Variants in STAT4 observed in about 807,000 individuals in gnomAD.
STAT4 encodes signal transducer and activator of transcription 4.
In STAT4, 42 loss-of-function variants were observed where a neutral mutation model predicts 110.5. The observed-to-expected ratio is 0.38, with a 90% CI of 0.30 to 0.49. The LOEUF is 0.49. Among genes scored for constraint, STAT4 ranks in the 20% least tolerant of loss-of-function variants. The pLI is 0.95. For synonymous variants in STAT4, 284 were observed against 302.2 expected, an observed-to-expected ratio of 0.94 and a Z score of 0.63; for missense variants, 632 against 887.9, an observed-to-expected ratio of 0.71 and a Z score of 3.66.
intron 3 of STAT4, among the ~76,000 whole-genome samples, chr2:191,123,745 T>C (rs1213521000): frequency 6.6e-6 from 1 of 152,232 alleles, no homozygotes; most frequent in Non-Finnish European, 1.5e-5. Flanking sequence ...AGAATATTGG[T>C]TGTTCATCCT....
At chr2:191,079,998 T>G (rs1416912337) in intron 3 of STAT4, among the ~76,000 whole-genome samples, 5 of 152,280 alleles carry the variant, frequency 3.3e-5, no homozygotes, top group African/African-American at 1.2e-4. Context: ...GATTTTTCTT[T>G]GCCTGATAGA....
At chr2:191,103,207 G>A (rs1045239607) in intron 3 of STAT4, among the ~76,000 whole-genome samples, 4 of 152,140 alleles carry the variant, frequency 2.6e-5, no homozygotes, top group African/African-American at 9.7e-5. Flanking sequence ...ATGTTTGCCA[G>A]TCTCTTGTTA....
rs748501058 is a variant in STAT4 at position 191,069,706 on chromosome 2, T to C, written c.531A>G (p.Thr177=). ...LQDEFDYRYK[T]IQTMDQSDKN... ...ACAAAAACTTACCCATTGTCTGAAT[T>C]GTTTTATACCTGTAGTCAAATTCGT... The change falls in exon 6 of 24, where the codon ACA becomes ACG. Residue 177 remains threonine, a synonymous_variant. Transcript: ENST00000392320. 3 of 1,608,202 alleles carry C rather than the reference T, an allele frequency of 1.9e-6. No individual in the cohort carries two copies. The South Asian group carries it at 3.3e-5, about 18-fold the overall frequency.
chr2:191,034,207 G>A (rs1559036748), intron 18 of STAT4, among the ~76,000 whole-genome samples: 6 of 152,106 alleles, frequency 3.9e-5, no homozygotes, highest in Admixed American at 1.3e-4. Flanking sequence ...CAGATTATGA[G>A]GTCAGGAGAT....
rs1698460259 is a variant in STAT4 at position 191,112,829 on chromosome 2, C to T, written c.273+33784G>A. ...TTGGACAAACTACAGAAGGAAAATTCAGGATAATTTCTTGAAAGCAATAAT... is the reference window on the plus strand; with the variant it reads ...TTGGACAAACTACAGAAGGAAAATTTAGGATAATTTCTTGAAAGCAATAAT... On this transcript the variant is annotated intron_variant, in intron 3 of 23. Coordinates refer to ENST00000392320, the MANE Select transcript of STAT4 (RefSeq NM_003151.4). This position sits in a 1 kb window ranked among gnomAD's most constrained non-coding sequence, Gnocchi z 4.3. 6.6e-6 allele frequency among the ~76,000 whole-genome samples: 1 copy of T among 152,196 alleles called. No homozygotes were observed. The highest frequency in any genetic ancestry group is 2.1e-4 in the South Asian group (1 of 4,828).
intron 3 of STAT4, among the ~76,000 whole-genome samples, chr2:191,109,809 A>G (rs1698377510): frequency 1.3e-5 from 2 of 152,184 alleles, no homozygotes; most frequent in African/African-American, 4.8e-5. Flanking sequence ...TTAACTCAAC[A>G]TGGTCAATTT....
rs1167513285 is a variant in STAT4 at position 191,099,290 on chromosome 2, A to T, written c.274-22965T>A. 6.6e-6 allele frequency among the ~76,000 whole-genome samples: 1 copy of T among 152,166 alleles called. No individual in the cohort carries two copies. Among genetic ancestry groups the T allele is most frequent in the Non-Finnish European group, 1.5e-5 (1 of 68,008 alleles). On this transcript the variant is annotated intron_variant, in intron 3 of 23. Transcript: ENST00000392320. The surrounding 1 kb of genome is among the most constrained non-coding windows in gnomAD (Gnocchi z 4.1). ...GGAACTGTGAATTTTACAACCTATTAGGAAAGAAATCTCAAAATATCAGAA... is the reference window on the plus strand; with the variant it reads ...GGAACTGTGAATTTTACAACCTATTTGGAAAGAAATCTCAAAATATCAGAA...
At chr2:191,069,355 A>G (rs556352223) in intron 6 of STAT4, among the ~76,000 whole-genome samples, 8 of 152,136 alleles carry the variant, frequency 5.3e-5, no homozygotes, top group Admixed American at 3.9e-4. Context: ...TGTTTCTGTG[A>G]TAATTATATT....
At chr2:191,076,111 C>T (rs1430984521) in intron 4 of STAT4, 116 bp downstream of exon 4, 3 of 810,962 alleles carry the variant, frequency 3.7e-6, no homozygotes, top group East Asian at 5.1e-5. Flanking sequence ...ACCTTTGCCT[C>T]CCAAAGTGTT....
At chr2:191,075,837 CTTTTT>C (rs71407854) in intron 4 of STAT4, among the ~76,000 whole-genome samples, 41 of 121,476 alleles carry the variant, frequency 3.4e-4, no homozygotes, top group African/African-American at 1.2e-3. Flanking sequence ...TTCTTTCTTT[CTTTTT>C]TTTTTTTTTT....
At chr2:191,075,997 G>T (rs1388928558) in intron 4 of STAT4, 2 of 459,560 alleles carry the variant, frequency 4.4e-6, no homozygotes, top group South Asian at 2.7e-5. Flanking sequence ...CTATAGGCAT[G>T]TGCCACCATA....
rs1386020431 is a variant in STAT4, at chr2:191,059,965, A to C, written c.1035-1196T>G. Reference sequence around the variant, plus strand: ...ATGCTGACAAGTGCCATGGAGTCCAAGGTCATTCTTCCTTTTGAAACAGGA... The same window carrying C: ...ATGCTGACAAGTGCCATGGAGTCCACGGTCATTCTTCCTTTTGAAACAGGA... On this transcript the variant is annotated intron_variant, in intron 10 of 23. Transcript: ENST00000392320. This position sits in a 1 kb window ranked among gnomAD's most constrained non-coding sequence, Gnocchi z 4.7. 6.6e-6 allele frequency among the ~76,000 whole-genome samples: 1 copy of C among 152,212 alleles called. No individual in the cohort carries two copies. Among genetic ancestry groups the C allele is most frequent in the Non-Finnish European group, 1.5e-5 (1 of 68,032 alleles).
Position 191,036,252 on chromosome 2 carries a change from TA to T in STAT4, c.1481del (p.Leu494HisfsTer4). The T allele has an allele frequency of 6.2e-7, 1 of 1,614,112 alleles. No individual in the cohort carries two copies. Among genetic ancestry groups the T allele is most frequent in the South Asian group, 1.1e-5 (1 of 91,082 alleles). On this transcript the variant is annotated frameshift_variant, in exon 17 of 24. Transcript: ENST00000392320. LOFTEE classifies it high-confidence loss of function. ...AAAACTGCCAGCTCATCACCTCCAGTAGTTGACTCAATGTGGCAGGTGGAGG... is the reference window on the plus strand; with the variant it reads ...AAAACTGCCAGCTCATCACCTCCAGTGTTGACTCAATGTGGCAGGTGGAGG... ...NNPPPATLSQ[L>X]LEVMSWQFSS...
intron 3 of STAT4, among the ~76,000 whole-genome samples, chr2:191,136,024 C>CAAAAAAAAAAAAAA (rs1699173501): frequency 1.8e-4 from 8 of 43,780 alleles, no homozygotes; most frequent in African/African-American, 3.2e-4. Flanking sequence ...AAAAAAAAAC[C>CAAAAAAAAAAAAAA]AAAAAACAAA....
rs1020995592 is a variant in STAT4, at chr2:191,083,175, G to T, written c.274-6850C>A. On this transcript the variant is annotated intron_variant, in intron 3 of 23. Coordinates refer to ENST00000392320, the MANE Select transcript of STAT4 (RefSeq NM_003151.4). The surrounding 1 kb of genome is among the most constrained non-coding windows in gnomAD (Gnocchi z 4.6). ...TGAGACAAGGATTCCAGTGCAAGTC[G>T]TTTAAGTGGGAGTTGGTCCCACAAA... Among the ~76,000 whole-genome samples, 13 of 152,180 alleles carry T rather than the reference G, an allele frequency of 8.5e-5. No homozygotes were observed. The highest frequency in any genetic ancestry group is 1.6e-4 in the Non-Finnish European group (11 of 68,032).
In STAT4 at chr2:191,066,404, A is replaced by G. The variant is rs1056408890; in HGVS notation, c.630+26T>C. ...AGAAAAAAGGAGAAAAATAGGCAAA[A>G]GCCCAAATTAAAATTCTTCACTAAC... On this transcript the variant is annotated intron_variant, in intron 7 of 23. Coordinates refer to ENST00000392320, the MANE Select transcript of STAT4 (RefSeq NM_003151.4). This position sits in a 1 kb window ranked among gnomAD's most constrained non-coding sequence, Gnocchi z 4.3. 1 of 1,597,526 alleles carries G rather than the reference A, an allele frequency of 6.3e-7. No individual in the cohort carries two copies. The highest frequency in any genetic ancestry group is 8.6e-7 in the Non-Finnish European group (1 of 1,165,790).
intron 3 of STAT4, among the ~76,000 whole-genome samples, chr2:191,088,264 A>G (rs764290335): frequency 3.9e-5 from 6 of 152,200 alleles, no homozygotes; most frequent in Non-Finnish European, 5.9e-5. Context: ...TTGCTTTCCT[A>G]TTGAACAGGA....
In STAT4 at chr2:191,066,307, T is replaced by C; in HGVS notation, c.630+123A>G. On this transcript the variant is annotated intron_variant, in intron 7 of 23. Coordinates refer to ENST00000392320, the MANE Select transcript of STAT4 (RefSeq NM_003151.4). This position sits in a 1 kb window ranked among gnomAD's most constrained non-coding sequence, Gnocchi z 4.3. ...AGCGTGGGACTGTTCCTAGAAACCT[T>C]GCCGTTTCTTCATTCAGTAAATGGA... is the stretch of plus-strand genomic sequence containing the variant. 1 of 840,102 alleles carries C rather than the reference T, an allele frequency of 1.2e-6. No individual in the cohort carries two copies. The highest frequency in any genetic ancestry group is 1.9e-6 in the Non-Finnish European group (1 of 528,218). The allele number at this position is 840,102 out of a possible 1,614,324, so 52.0% of individuals were successfully genotyped here. A position where few individuals can be genotyped will look rare whatever the true frequency, so the allele number is the denominator to read the frequency against.
intron 3 of STAT4, among the ~76,000 whole-genome samples, chr2:191,106,960 G>A (rs1354747049): frequency 6.6e-6 from 1 of 152,218 alleles, no homozygotes; most frequent in African/African-American, 2.4e-5. Context: ...GAATGTTGCT[G>A]TCTGGGGAGG....
Sources: allele counts gnomAD v4.1 joint callset (sites outside exome capture counted in the v4.1 genomes callset), GRCh38; gene constraint gnomAD v4.1.1; non-coding constraint Gnocchi (gnomAD v3.1); transcripts MANE v1.5; gene names NCBI Gene and HGNC (gene_info 2026-07-23, HGNC 2026-07-21).